The following FLACC1 variants were observed in gnomAD, a reference collection of about 807,000 sequenced individuals.
FLACC1 encodes flagellum-associated coiled-coil domain-containing protein 1.
A neutral mutation model predicts 62.8 loss-of-function variants in FLACC1; 66 were observed. The ratio of observed to expected loss-of-function variants is 1.05; its 90% CI spans 0.86 to 1.29. The LOEUF is 1.29. Among genes scored for constraint, FLACC1 ranks in the 50% most tolerant of loss-of-function variants. The pLI is 0.00. For missense variants in FLACC1, 452 were observed against 489.1 expected (o/e 0.92, Z 0.71); for synonymous variants, 156 against 161.0 (o/e 0.97, Z 0.24).
chr2:201,343,957 A>G (rs1295427995), intron 6 of FLACC1, among the ~76,000 whole-genome samples: 1 of 152,182 alleles, frequency 6.6e-6, no homozygotes, highest in African/African-American at 2.4e-5. Flanking sequence ...TAAATGAGTT[A>G]AGCTTTGTGG....
rs772915945 is a variant in FLACC1 at position 201,350,691 on chromosome 2, C to CAAAACAAAACAAAACAA, written c.185+19_185+20insTTGTTTTGTTTTGTTTT. On this transcript the variant is annotated intron_variant, in intron 3 of 14. Transcript: ENST00000392257. ...GTGAGACTCCATCTCAAAAACAAAA[C>CAAAACAAAACAAAACAA]AAAACAAAACAATACTTACTTTGGG... 1.2e-6 allele frequency: 2 copies of CAAAACAAAACAAAACAA among 1,608,162 alleles called. No homozygotes were observed. The highest frequency in any genetic ancestry group is 4.5e-5 in the East Asian group (2 of 44,808).
rs1199196086 is a variant in FLACC1 at position 201,330,833 on chromosome 2, C to T, written c.525G>A (p.Arg175=). ...CTGCTTCATGGGCCTCTTTGAGCTC[C>T]CTGTGGGACCCCAGGAGAAGGCCAC... ...EMKQNFENKN[R]ELKEAHEAEL... is the part of the protein sequence containing the mutation. Residue 175 remains arginine (R), a splice_region_variant and synonymous_variant, in exon 8 of 15, where the codon AGG becomes AGA. Coordinates refer to ENST00000392257, the MANE Select transcript of FLACC1 (RefSeq NM_001127391.3). 2 of 1,612,082 alleles carry T rather than the reference C, an allele frequency of 1.2e-6. No individual in the cohort carries two copies. The highest frequency in any genetic ancestry group is 1.7e-6 in the Non-Finnish European group (2 of 1,179,774).
At chr2:201,324,650 T>C (rs533094915) in intron 9 of FLACC1, among the ~76,000 whole-genome samples, 34 of 152,318 alleles carry the variant, frequency 2.2e-4, no homozygotes, top group South Asian at 4.1e-4. Flanking sequence ...TGAAATCCTA[T>C]GAAGTATCTT....
At chr2:201,303,623 CA>C (rs1457196175) in intron 11 of FLACC1, among the ~76,000 whole-genome samples, 1 of 151,936 alleles carries the variant, frequency 6.6e-6, no homozygotes, top group African/African-American at 2.4e-5. Flanking sequence ...AGAGACACAA[CA>C]AAAAAAGAGA....
chr2:201,332,827 G>A lies in FLACC1; in HGVS notation c.525-1994C>T, dbSNP rs538582736. On this transcript the variant is annotated intron_variant, in intron 7 of 14. Transcript: ENST00000392257. ...ATGTGGTATTTGTCTTCCTGTGCCC[G>A]GTTTATTTTATTTAGCATAATGCTC... is the stretch of plus-strand genomic sequence containing the variant. 8.8e-4 allele frequency among the ~76,000 whole-genome samples: 128 copies of A among 145,280 alleles called. 1 individual carries two copies. Among genetic ancestry groups the A allele is most frequent in the Non-Finnish European group, 2.5e-4 (17 of 67,920 alleles).
chr2:201,308,166 C>A, intron 10 of FLACC1, among the ~76,000 whole-genome samples: 1 of 152,196 alleles, frequency 6.6e-6, no homozygotes, highest in Non-Finnish European at 1.5e-5. Context: ...ACAGCGTAAG[C>A]CTCTGACTGA....
intron 3 of FLACC1, among the ~76,000 whole-genome samples, chr2:201,349,424 TC>T (rs919139230): frequency 1.6e-4 from 25 of 152,010 alleles, no homozygotes; most frequent in Admixed American, 4.6e-4. Context: ...TTTGCCTGCA[TC>T]TTTTTTCTAT....
In FLACC1 at chr2:201,351,393, G is replaced by A. The variant is rs750505589; in HGVS notation, c.12C>T (p.Asn4=). The A allele has an allele frequency of 1.2e-6, 2 of 1,613,724 alleles. No individual in the cohort carries two copies. Among genetic ancestry groups the A allele is most frequent in the African/African-American group, 2.7e-5 (2 of 74,910 alleles). MYP[N]PLIYCTCWDP... ...CCCAGCAGGTGCAGTAGATGAGAGG[G>A]TTGGGGTACATGGCCAAAGGTCAGG... Residue 4 remains asparagine, a synonymous_variant, in exon 2 of 15, where the codon AAC becomes AAT. Coordinates refer to ENST00000392257, the MANE Select transcript of FLACC1 (RefSeq NM_001127391.3).
At chr2:201,312,581 A>C (rs1283966276) in intron 9 of FLACC1, among the ~76,000 whole-genome samples, 1 of 152,248 alleles carries the variant, frequency 6.6e-6, no homozygotes, top group African/African-American at 2.4e-5. Context: ...TGTAAAATTC[A>C]TATGGAACCA....
chr2:201,303,199 G>A (rs1950025735), intron 11 of FLACC1, among the ~76,000 whole-genome samples: 1 of 151,708 alleles, frequency 6.6e-6, no homozygotes, highest in African/African-American at 2.4e-5. Flanking sequence ...TAATAAAGAA[G>A]AAAAGAGAGA....
At chr2:201,302,610 C>A (rs1263090671) in intron 11 of FLACC1, among the ~76,000 whole-genome samples, 1 of 152,182 alleles carries the variant, frequency 6.6e-6, no homozygotes, top group Non-Finnish European at 1.5e-5. Context: ...CTCTCCACCC[C>A]AAATCAACAG....
At chr2:201,343,270 T>C (rs7577057) in intron 6 of FLACC1, among the ~76,000 whole-genome samples, 64,008 of 152,132 alleles carry the variant, frequency 0.42, 14,168 homozygotes, top group South Asian at 0.54. Flanking sequence ...GATCTGTGCC[T>C]ATGACTTAAA....
rs1350664865 is a variant in FLACC1, at chr2:201,356,975, AGCTTACCTTGGACT to A, written c.-55_-48+6del. 6.6e-6 allele frequency: 1 copy of A among 152,230 alleles called. No homozygotes were observed. Among genetic ancestry groups the A allele is most frequent in the Non-Finnish European group, 1.5e-5 (1 of 68,044 alleles). 9.4% of individuals were successfully genotyped at this position (152,230 alleles called of 1,614,324 possible). On this transcript the variant is annotated splice_donor_variant and splice_donor_5th_base_variant and 5_prime_UTR_variant and intron_variant, in exon 1 of 15. Coordinates refer to ENST00000392257, the MANE Select transcript of FLACC1 (RefSeq NM_001127391.3). LOFTEE classifies it low-confidence loss of function (5UTR_SPLICE). ...ATAATATAAAACATCTTTTCCAAAG[AGCTTACCTTGGACT>A]GCCCAAAGATCTGTTATTCTCATGT...
intron 7 of FLACC1, among the ~76,000 whole-genome samples, chr2:201,332,826 C>T (rs1158568029): frequency 3.3e-5 from 5 of 152,000 alleles, no homozygotes; most frequent in Admixed American, 6.6e-5. Flanking sequence ...TTCCTGTGCC[C>T]GGTTTATTTT....
rs748331644 is a variant in FLACC1, at chr2:201,288,660, A to G, written c.1264T>C (p.Ser422Pro). 8 of 1,613,266 alleles carry G rather than the reference A, an allele frequency of 5.0e-6. No individual in the cohort carries two copies. The African/African-American group carries it at 1.1e-4, about 22-fold the overall frequency. Residue 422 changes from serine (S) to proline (P), a missense_variant, in exon 15 of 15, where the codon TCA (serine) becomes CCA (proline). Physicochemically the swap from Ser to Pro is moderately conservative, Grantham distance 74. This residue lies in a region of FLACC1 where 301 missense variants were observed against 318.4 expected (regional missense o/e 0.95). Coordinates refer to ENST00000392257, the MANE Select transcript of FLACC1 (RefSeq NM_001127391.3). ...AATGCAGAGCAACTTTTTGTTTATG[A>G]TTCTTGTCCTTTCTTGCTACCATCT... ...VQDGSKKGQE[S>P]
chr2:201,357,892 G>A (rs1951144290), upstream of FLACC1, among the ~76,000 whole-genome samples: 1 of 151,840 alleles, frequency 6.6e-6, no homozygotes, highest in African/African-American at 2.4e-5. Context: ...TAGTTTTACT[G>A]CCACTCATTA....
At position 201,351,317 on chromosome 2, in the gene FLACC1, G is replaced by A. The variant is rs143899839; in HGVS notation, c.88C>T (p.Arg30Cys). ...TTGGAACTCCCTGTGGAGTTCTTGC[G>A]TGGTAGTTGAGGGGTCTTGATTAGC... ...RKLIKTPQLP[R>C]KNSTGSSKLT... The change falls in exon 2 of 15, where the codon CGC (arginine) becomes TGC (cysteine). Residue 30 changes from arginine (R) to cysteine (C), a missense_variant. Arg to Cys is a radical substitution (Grantham distance 180, BLOSUM62 -3). Transcript: ENST00000392257. 4.0e-5 allele frequency: 64 copies of A among 1,613,774 alleles called. No homozygotes were observed. The East Asian group carries it at 4.5e-4, about 11-fold the overall frequency.
chr2:201,345,969 A>G (rs1244224326), intron 5 of FLACC1, among the ~76,000 whole-genome samples: 2 of 152,224 alleles, frequency 1.3e-5, no homozygotes. Context: ...GTTTGAGAAC[A>G]GCCTGGCTAA....
chr2:201,334,883 T>C (rs1392878233), intron 7 of FLACC1, among the ~76,000 whole-genome samples: 1 of 152,158 alleles, frequency 6.6e-6, no homozygotes, highest in Non-Finnish European at 1.5e-5. Context: ...GTTCTTATTT[T>C]AAATGTCAGG....
Sources: allele counts gnomAD v4.1 joint callset (sites outside exome capture counted in the v4.1 genomes callset), GRCh38; gene constraint gnomAD v4.1.1; regional missense constraint gnomAD v4.1.1; transcripts MANE v1.5; gene names NCBI Gene and HGNC (gene_info 2026-07-23, HGNC 2026-07-21).